NPC1: variants seen among roughly 807,000 people sequenced by gnomAD.
NPC1 encodes the protein Niemann-Pick C1 protein.
Under a neutral mutation model 140.4 loss-of-function variants are expected in NPC1, and 85 were observed. The observed-to-expected ratio is 0.61, with a 90% CI of 0.51 to 0.72. NPC1 has a LOEUF of 0.72. Among genes scored for constraint, NPC1 ranks in the 30% least tolerant of loss-of-function variants. The pLI, the probability that NPC1 is intolerant of heterozygous loss-of-function variation, is 0.00. For missense variants in NPC1, 1,504 were observed against 1,623.8 expected (o/e 0.93, Z 1.27); for synonymous variants, 656 against 624.8 (o/e 1.05, Z -0.74).
chr18:23,511,547 A>C (rs2057858004), intron 3 of NPC1, among the ~76,000 whole-genome samples: 1 of 152,190 alleles, frequency 6.6e-6, no homozygotes, highest in Non-Finnish European at 1.5e-5. Context: ...AATCCCGATA[A>C]ATAATTATTA....
At chr18:23,508,568 G>A (rs553098645) in intron 3 of NPC1, 2 of 152,732 alleles carry the variant, frequency 1.3e-5, no homozygotes, top group South Asian at 4.1e-4. Flanking sequence ...AATTGGCAGT[G>A]TGGCACCTTG....
At position 23,554,790 on chromosome 18, in the gene NPC1, G is replaced by A. The variant is rs780100866; in HGVS notation, c.1521C>T (p.Ala507=). 3.0e-5 allele frequency: 48 copies of A among 1,613,812 alleles called. No individual in the cohort carries two copies. The highest frequency in any genetic ancestry group is 7.7e-5 in the South Asian group (7 of 91,056). The change falls in exon 9 of 25, where the codon GCC becomes GCT. Residue 507 remains alanine, a synonymous_variant. Transcript: ENST00000269228. The stretch of plus-strand genomic sequence containing the variant: ...AGTACAGAAAGTGCGTGTGGTAATC[G>A]GCATACACAAAGAAGTCGTCCCCTT... The part of the protein sequence containing the change: ...HKKGDDFFVY[A]DYHTHFLYCV...
chr18:23,554,813 C>T lies in NPC1; in HGVS notation c.1498G>A (p.Gly500Arg), dbSNP rs1215387384. ...NSHSVLDHKK[G>R]DDFFVYADYH... The stretch of plus-strand genomic sequence containing the variant: ...TCGGCATACACAAAGAAGTCGTCCC[C>T]TTTCTTGTGGTCCAGCACGGAATGG... The change falls in exon 9 of 25, where the codon GGG becomes AGG. Residue 500 changes from glycine to arginine, a missense_variant. By Grantham distance (125) the Gly-to-Arg change is moderately radical. Coordinates refer to ENST00000269228, the MANE Select transcript of NPC1 (RefSeq NM_000271.5). 4.3e-6 allele frequency: 7 copies of T among 1,614,152 alleles called. No individual in the cohort carries two copies. The highest frequency in any genetic ancestry group is 2.2e-5 in the South Asian group (2 of 91,076).
At chr18:23,508,456 G>T (rs1362645056) in intron 3 of NPC1, among the ~76,000 whole-genome samples, 1 of 152,096 alleles carries the variant, frequency 6.6e-6, no homozygotes, top group African/African-American at 2.4e-5. Context: ...TGTTGTCTTT[G>T]TCTTGTCCTT....
At chr18:23,550,770 G>A (rs930087322) in intron 10 of NPC1, among the ~76,000 whole-genome samples, 1 of 152,110 alleles carries the variant, frequency 6.6e-6, no homozygotes, top group African/African-American at 2.4e-5. Context: ...ACAGGCGTGA[G>A]CCACCACGCC....
At chr18:23,557,779 C>T (rs1171991600) in intron 6 of NPC1, among the ~76,000 whole-genome samples, 4 of 152,170 alleles carry the variant, frequency 2.6e-5, no homozygotes, top group Non-Finnish European at 5.9e-5. Context: ...GCTACTCTTT[C>T]CAGCAGCAAT....
rs1300221022 is a variant in NPC1, at chr18:23,543,371, C to CAAA, written c.2245+81_2245+83dup. 4.2e-6 allele frequency: 3 copies of CAAA among 718,758 alleles called. No individual in the cohort carries two copies. In the Admixed American group the frequency reaches 6.3e-5, roughly 15 times the overall value. The allele number at this position is 718,758 out of a possible 1,614,324, so 44.5% of individuals were successfully genotyped here. On this transcript the variant is annotated intron_variant, in intron 14 of 24. Coordinates refer to ENST00000269228, the MANE Select transcript of NPC1 (RefSeq NM_000271.5). ...AGAAAAAAAAAAAAAGGAAGCAACA[C>CAAA]AAAGGGACATGTTCAGGTAGCCAGC...
intron 1 of NPC1, among the ~76,000 whole-genome samples, chr18:23,584,695 C>T (rs1329320461): frequency 1.3e-5 from 2 of 152,142 alleles, no homozygotes; most frequent in African/African-American, 2.4e-5. Flanking sequence ...CCCATCTCCA[C>T]GGAAAATACA....
At chr18:23,578,181 C>T (rs554301148) in intron 1 of NPC1, among the ~76,000 whole-genome samples, 3 of 152,362 alleles carry the variant, frequency 2.0e-5, no homozygotes, top group South Asian at 2.1e-4. Context: ...ACTGCCAGCA[C>T]GCTGTCACCT....
chr18:23,513,819 G>T (rs1054514801), intron 3 of NPC1, among the ~76,000 whole-genome samples: 1 of 152,172 alleles, frequency 6.6e-6, no homozygotes, highest in Non-Finnish European at 1.5e-5. Context: ...GCCACTTTGT[G>T]TATCATCTTT....
intron 22 of NPC1, among the ~76,000 whole-genome samples, chr18:23,534,785 T>C (rs1268040071): frequency 6.6e-6 from 1 of 152,168 alleles, no homozygotes; most frequent in East Asian, 1.9e-4. Context: ...TGTGGCACGT[T>C]TGTGTTGACC....
downstream of NPC1, among the ~76,000 whole-genome samples, chr18:23,524,961 T>C (rs1331776095): frequency 2.0e-5 from 3 of 147,368 alleles, no homozygotes; most frequent in South Asian, 6.6e-4. Context: ...TTTTTTTTTT[T>C]TTTTGAGACG....
At chr18:23,564,622 C>T (rs1273529190) in intron 4 of NPC1, among the ~76,000 whole-genome samples, 1 of 152,144 alleles carries the variant, frequency 6.6e-6, no homozygotes, top group Admixed American at 6.5e-5. Flanking sequence ...TGTGCCCGGC[C>T]TTCTTGTCTT....
At chr18:23,534,294 T>C in intron 23 of NPC1, 152 bp downstream of exon 23, 1 of 700,528 alleles carries the variant, frequency 1.4e-6, no homozygotes, top group Non-Finnish European at 2.6e-6. Context: ...ACGTCCGTTC[T>C]GTCCACGATG....
At chr18:23,551,550 A>G in intron 10 of NPC1, 77 bp downstream of exon 10, 3 of 1,090,282 alleles carry the variant, frequency 2.8e-6, no homozygotes, top group South Asian at 2.5e-5. Context: ...TGAAATCTTC[A>G]TAATTACCAC....
chr18:23,527,728 A>G (rs2058347854), downstream of NPC1: 4 of 1,231,028 alleles, frequency 3.2e-6, no homozygotes, highest in Admixed American at 1.7e-5. Context: ...TATCATAGCA[A>G]CGTGTGGAAA....
intron 1 of NPC1, among the ~76,000 whole-genome samples, chr18:23,575,825 G>A (rs1033124675): frequency 3.6e-5 from 5 of 139,302 alleles, no homozygotes; most frequent in African/African-American, 8.0e-5. Context: ...GGTGGCTCAC[G>A]CCTATAATCC....
intron 9 of NPC1, among the ~76,000 whole-genome samples, chr18:23,552,647 T>C (rs760437806): frequency 1.8e-4 from 27 of 152,178 alleles, no homozygotes; most frequent in African/African-American, 4.3e-4. Flanking sequence ...AGACAGACAG[T>C]TGGCCAGTGG....
chr18:23,531,958 G>C lies in NPC1; in HGVS notation c.*244C>G. On this transcript the variant is annotated 3_prime_UTR_variant, in exon 25 of 25. Coordinates refer to ENST00000269228, the MANE Select transcript of NPC1 (RefSeq NM_000271.5). ...TCACCTCCTGCTTGCCAAAGAATGA[G>C]GTTTCTTTCCTGAAGAGGCTGGGAG... 6.9e-7 allele frequency: 1 copy of C among 1,446,724 alleles called. No individual in the cohort carries two copies. Among genetic ancestry groups the C allele is most frequent in the Non-Finnish European group, 9.0e-7 (1 of 1,107,634 alleles). The allele number at this position is 1,446,724 out of a possible 1,614,324, so 89.6% of individuals were successfully genotyped here.
Sources: allele counts gnomAD v4.1 joint callset (sites outside exome capture counted in the v4.1 genomes callset), GRCh38; gene constraint gnomAD v4.1.1; transcripts MANE v1.5; gene names NCBI Gene and HGNC (gene_info 2026-07-23, HGNC 2026-07-21).